FBXO4: variants seen among roughly 807,000 people sequenced by gnomAD.
FBXO4 encodes the protein F-box protein 4, also known as F-box only protein 4.
FBXO4 carries 36 observed loss-of-function variants against 43.7 expected under a neutral mutation model. The observed-to-expected ratio is 0.82, with a 90% CI of 0.63 to 1.09. The LOEUF is 1.09. FBXO4 is among the 50% of genes least tolerant of loss of function. FBXO4 has a pLI of 0.00. For missense variants in FBXO4, 435 were observed against 474.1 expected (o/e 0.92, Z 0.77); for synonymous variants, 180 against 165.6 (o/e 1.09, Z -0.67).
At chr5:41,965,721 A>T in the FBXO4 span, among the ~76,000 whole-genome samples, 1 of 152,234 alleles carries the variant, frequency 6.6e-6, no homozygotes, top group Admixed American at 6.5e-5. Context: ...TGTTGGTGGG[A>T]CTGTAAACTA....
chr5:42,001,011 T>C, the FBXO4 span, among the ~76,000 whole-genome samples: 1 of 152,214 alleles, frequency 6.6e-6, no homozygotes, highest in African/African-American at 2.4e-5. Context: ...GAAAGTGTGA[T>C]GATTTCAGCT....
the FBXO4 span, among the ~76,000 whole-genome samples, chr5:41,984,164 T>C: frequency 6.6e-6 from 1 of 152,202 alleles, no homozygotes; most frequent in African/African-American, 2.4e-5. Context: ...ATCCATGGCA[T>C]TTTTAATAGT....
the FBXO4 span, among the ~76,000 whole-genome samples, chr5:41,989,661 A>G: frequency 6.6e-6 from 1 of 152,138 alleles, no homozygotes; most frequent in Non-Finnish European, 1.5e-5. Context: ...TTATTTCTTT[A>G]TTATATTTGT....
the FBXO4 span, among the ~76,000 whole-genome samples, chr5:41,956,580 G>A: frequency 6.6e-6 from 1 of 151,854 alleles, no homozygotes; most frequent in African/African-American, 2.4e-5. Flanking sequence ...GTTGGATATA[G>A]ATTTACAGAC....
chr5:42,018,026 A>C, the FBXO4 span, among the ~76,000 whole-genome samples: 1 of 151,758 alleles, frequency 6.6e-6, no homozygotes, highest in Non-Finnish European at 1.5e-5. Flanking sequence ...GATGGCAAAA[A>C]TTGTTAAAAC....
At chr5:41,936,046 C>T (rs1238956863) in intron 5 of FBXO4, among the ~76,000 whole-genome samples, 3 of 152,196 alleles carry the variant, frequency 2.0e-5, no homozygotes, top group Admixed American at 6.5e-5. Context: ...ATACCCTGAC[C>T]GAAGTATGAT....
chr5:42,028,317 T>C, the FBXO4 span, among the ~76,000 whole-genome samples: 22 of 152,020 alleles, frequency 1.4e-4, no homozygotes, highest in Non-Finnish European at 2.7e-4. Flanking sequence ...TGAAATCTGT[T>C]TTGTCTGAAA....
At chr5:42,030,850 TA>T in the FBXO4 span, among the ~76,000 whole-genome samples, 2 of 151,884 alleles carry the variant, frequency 1.3e-5, no homozygotes, top group African/African-American at 2.4e-5. Flanking sequence ...AAAAAATACA[TA>T]AAAAAATCCT....
At chr5:41,978,518 T>G in the FBXO4 span, among the ~76,000 whole-genome samples, 1 of 152,186 alleles carries the variant, frequency 6.6e-6, no homozygotes. Flanking sequence ...GGTAAGTGGT[T>G]TTTTTAGGGT....
chr5:41,982,355 C>T, the FBXO4 span, among the ~76,000 whole-genome samples: 2 of 152,172 alleles, frequency 1.3e-5, no homozygotes, highest in Admixed American at 6.5e-5. Context: ...AACTAGTTTA[C>T]AGTCCCACCA....
In FBXO4 at chr5:41,934,258, G is replaced by A; in HGVS notation, c.848G>A (p.Cys283Tyr). 1.2e-6 allele frequency: 2 copies of A among 1,614,162 alleles called. No homozygotes were observed. The highest frequency in any genetic ancestry group is 1.7e-6 in the Non-Finnish European group (2 of 1,180,002). Residue 283 changes from cysteine to tyrosine, a missense_variant, in exon 5 of 7, where the codon TGT becomes TAT. Coordinates refer to ENST00000281623, the MANE Select transcript of FBXO4 (RefSeq NM_012176.3). ...YSVIPQIQKV[C>Y]EVVDGFIYVA... is the part of the protein sequence containing the mutation. ...GTGATTCCACAGATTCAAAAAGTGT[G>A]TGAAGTTGTAGATGGGTTCATCTAT...
the FBXO4 span, among the ~76,000 whole-genome samples, chr5:42,019,612 C>T: frequency 2.0e-5 from 3 of 150,824 alleles, no homozygotes; most frequent in South Asian, 6.3e-4. Flanking sequence ...TGCTTGAACC[C>T]AAGAGGCAAA....
At chr5:42,017,790 A>G in the FBXO4 span, among the ~76,000 whole-genome samples, 1 of 144,240 alleles carries the variant, frequency 6.9e-6, no homozygotes, top group African/African-American at 2.5e-5. Flanking sequence ...TTTTTTTTTT[A>G]TTGCTGCATG....
At chr5:41,952,370 C>A in the FBXO4 span, among the ~76,000 whole-genome samples, 1 of 152,074 alleles carries the variant, frequency 6.6e-6, no homozygotes, top group Non-Finnish European at 1.5e-5. Context: ...GTTGTTCGTG[C>A]CTTTCAAATA....
the FBXO4 span, among the ~76,000 whole-genome samples, chr5:41,997,680 A>G: frequency 6.6e-6 from 1 of 152,106 alleles, no homozygotes; most frequent in Admixed American, 6.5e-5. Flanking sequence ...GGAGGACCAC[A>G]ATGACTTTTA....
chr5:42,020,469 C>T, the FBXO4 span, among the ~76,000 whole-genome samples: 3 of 152,218 alleles, frequency 2.0e-5, no homozygotes, highest in African/African-American at 7.2e-5. Context: ...AGTGTTGTAT[C>T]ACTTAGGATT....
the FBXO4 span, among the ~76,000 whole-genome samples, chr5:42,016,977 C>T: frequency 4.6e-5 from 7 of 151,798 alleles, no homozygotes; most frequent in Non-Finnish European, 8.8e-5. Context: ...AGCAGGATAT[C>T]GATTAATTAG....
chr5:41,955,828 C>T, the FBXO4 span, among the ~76,000 whole-genome samples: 3 of 152,130 alleles, frequency 2.0e-5, no homozygotes, highest in East Asian at 5.8e-4. Flanking sequence ...GGCTTACACA[C>T]GGCACCAACC....
chr5:41,992,091 A>G, the FBXO4 span, among the ~76,000 whole-genome samples: 1 of 152,284 alleles, frequency 6.6e-6, no homozygotes, highest in Non-Finnish European at 1.5e-5. Flanking sequence ...AAAAAAATAT[A>G]TATATATACC....
Sources: allele counts gnomAD v4.1 joint callset (sites outside exome capture counted in the v4.1 genomes callset), GRCh38; gene constraint gnomAD v4.1.1; transcripts MANE v1.5; gene names NCBI Gene and HGNC (gene_info 2026-07-23, HGNC 2026-07-21).